ZFYVE28: variants seen among roughly 807,000 people sequenced by gnomAD.
ZFYVE28 encodes the protein lateral signaling target protein 2 homolog.
A neutral mutation model predicts 82.1 loss-of-function variants in ZFYVE28; 40 were observed. The observed-to-expected ratio is 0.49, with a 90% CI of 0.38 to 0.63. The LOEUF is 0.63. ZFYVE28 is among the 30% of genes least tolerant of loss of function. The pLI is 0.00. For missense variants in ZFYVE28, 1,321 were observed against 1,242.1 expected (o/e 1.06, Z -0.96); for synonymous variants, 612 against 546.1 (o/e 1.12, Z -1.68).
chr4:2,418,275 G>A lies in ZFYVE28; in HGVS notation c.39+10C>T, dbSNP rs1239142302. ...CGCGGGGGGCGTCCGGCCCGAGCGG[G>A]GCCGCTCACCTTGGGTTTGTAGAGC... is the stretch of plus-strand genomic sequence containing the variant. On this transcript the variant is annotated intron_variant, in intron 1 of 12. Coordinates refer to ENST00000290974, the MANE Select transcript of ZFYVE28 (RefSeq NM_020972.3). The surrounding 1 kb of genome is among the most constrained non-coding windows in gnomAD (Gnocchi z 4.6). 6.5e-7 allele frequency: 1 copy of A among 1,537,244 alleles called. No individual in the cohort carries two copies.
chr4:2,284,782 C>T (rs1712475567), intron 8 of ZFYVE28, among the ~76,000 whole-genome samples: 1 of 152,298 alleles, frequency 6.6e-6, no homozygotes, highest in South Asian at 2.1e-4. Context: ...TTCCAGGAAT[C>T]GGCTCTGGAA....
chr4:2,315,039 G>A (rs909969212), intron 7 of ZFYVE28, among the ~76,000 whole-genome samples: 1 of 152,120 alleles, frequency 6.6e-6, no homozygotes, highest in African/African-American at 2.4e-5. Flanking sequence ...GCCTCCCAAA[G>A]TGCTGGGATT....
At chr4:2,364,579 C>T (rs1183847444) in intron 1 of ZFYVE28, 1 of 985,452 alleles carries the variant, frequency 1.0e-6, no homozygotes, top group East Asian at 1.1e-4. Context: ...CGGCACTGGG[C>T]ACAGACGCCC....
chr4:2,305,534 T>A lies in ZFYVE28; in HGVS notation c.806A>T (p.Asp269Val), dbSNP rs1716437413. The A allele has an allele frequency of 6.2e-7, 1 of 1,612,832 alleles. No individual in the cohort carries two copies. The change falls in exon 8 of 13, where the codon GAT becomes GTT. Residue 269 changes from aspartate to valine, a missense_variant and splice_region_variant. By Grantham distance (152) the Asp-to-Val change is radical. Coordinates refer to ENST00000290974, the MANE Select transcript of ZFYVE28 (RefSeq NM_020972.3). ...CTCCTCCGTCAGCGTCTGCAGCAAA[T>A]CCCTACGAATCAAGACAAAACCCAA... is the stretch of plus-strand genomic sequence containing the variant. ...PFHTLLRKIR[D>V]LLQTLTEEEL...
chr4:2,338,580 G>A (rs3118618), intron 4 of ZFYVE28, among the ~76,000 whole-genome samples: 26,771 of 152,150 alleles, frequency 0.18, 2,780 homozygotes, highest in Middle Eastern at 0.36. Flanking sequence ...GCAACAGAGT[G>A]AGACTCCGTC....
chr4:2,301,132 G>A (rs1422051817), intron 8 of ZFYVE28, among the ~76,000 whole-genome samples: 2 of 143,770 alleles, frequency 1.4e-5, no homozygotes, highest in East Asian at 2.1e-4. Context: ...CCCCCACTGC[G>A]CTATCACCCC....
intron 1 of ZFYVE28, chr4:2,364,458 G>T: frequency 1.0e-6 from 1 of 985,494 alleles, no homozygotes; most frequent in Middle Eastern, 5.2e-4. Context: ...GCAGCTTTAC[G>T]TTCAATTCAC....
chr4:2,357,551 C>T (rs367585194), intron 1 of ZFYVE28, among the ~76,000 whole-genome samples: 8 of 152,198 alleles, frequency 5.3e-5, no homozygotes, highest in African/African-American at 1.9e-4. Context: ...CCAAACCTGC[C>T]CGCTCCCCTT....
intron 1 of ZFYVE28, among the ~76,000 whole-genome samples, chr4:2,390,624 G>C (rs1469521009): frequency 6.6e-6 from 1 of 152,204 alleles, no homozygotes; most frequent in African/African-American, 2.4e-5. Context: ...TTATACATAA[G>C]CATGGCTATG....
At position 2,339,446 on chromosome 4, in the gene ZFYVE28, G is replaced by T; in HGVS notation, c.521+7C>A. On this transcript the variant is annotated splice_region_variant and intron_variant, in intron 4 of 12. Transcript: ENST00000290974. The surrounding 1 kb of genome is among the most constrained non-coding windows in gnomAD (Gnocchi z 5.0). ...CAGCCAGGGCTGTGGACCCACAGCT[G>T]CAGTACCTGAGCTCAAACTCTGCGA... is the stretch of plus-strand genomic sequence containing the variant. 6.2e-7 allele frequency: 1 copy of T among 1,612,968 alleles called. No individual in the cohort carries two copies.
intron 6 of ZFYVE28, among the ~76,000 whole-genome samples, chr4:2,333,199 C>G (rs1486805840): frequency 2.6e-4 from 36 of 140,262 alleles, no homozygotes; most frequent in African/African-American, 8.9e-4. Flanking sequence ...CAGCACTGGC[C>G]TCCCCTGCTG....
intron 6 of ZFYVE28, among the ~76,000 whole-genome samples, chr4:2,331,571 A>T (rs935546597): frequency 3.0e-4 from 45 of 152,220 alleles, no homozygotes; most frequent in Non-Finnish European, 5.4e-4. Flanking sequence ...CCAGTTTGTC[A>T]AAGAGTCTGA....
At chr4:2,400,565 A>G (rs1400963396) in intron 1 of ZFYVE28, among the ~76,000 whole-genome samples, 4 of 152,118 alleles carry the variant, frequency 2.6e-5, no homozygotes, top group Non-Finnish European at 5.9e-5. Flanking sequence ...ATACATATAT[A>G]TAAAGGGGAG....
rs1722759091 is a variant in ZFYVE28 at position 2,341,319 on chromosome 4, T to C, written c.318+159A>G. 9 of 986,636 alleles carry C rather than the reference T, an allele frequency of 9.1e-6. No homozygotes were observed. Among genetic ancestry groups the C allele is most frequent in the African/African-American group, 4.9e-5 (3 of 61,516 alleles). The allele number at this position is 986,636 out of a possible 1,614,324, so 61.1% of individuals were successfully genotyped here. Reference sequence around the variant, plus strand: ...CCAGATCCTCCAGGGGTGCACGGCCTACCAGGCTCAGACCACACCACGTAA... The same window carrying C: ...CCAGATCCTCCAGGGGTGCACGGCCCACCAGGCTCAGACCACACCACGTAA... On this transcript the variant is annotated intron_variant, in intron 3 of 12. Transcript: ENST00000290974. The surrounding 1 kb of genome is among the most constrained non-coding windows in gnomAD (Gnocchi z 4.5).
chr4:2,327,049 A>T (rs1324973964), intron 6 of ZFYVE28, among the ~76,000 whole-genome samples: 3 of 151,764 alleles, frequency 2.0e-5, no homozygotes, highest in African/African-American at 7.3e-5. Flanking sequence ...CTGGAGTTCA[A>T]GACCAGCCTG....
intron 8 of ZFYVE28, among the ~76,000 whole-genome samples, chr4:2,280,795 C>T (rs1295687779): frequency 6.6e-6 from 1 of 152,212 alleles, no homozygotes; most frequent in East Asian, 1.9e-4. Context: ...AGGAGAAGCC[C>T]ATGGGAAGTA....
chr4:2,334,466 A>C (rs1721252409), intron 6 of ZFYVE28, among the ~76,000 whole-genome samples: 1 of 151,066 alleles, frequency 6.6e-6, no homozygotes, highest in Non-Finnish European at 1.5e-5. Flanking sequence ...GCGTGCTCCC[A>C]CCTCTGCACC....
At chr4:2,285,155 G>A (rs1382075393) in intron 8 of ZFYVE28, among the ~76,000 whole-genome samples, 1 of 146,266 alleles carries the variant, frequency 6.8e-6, no homozygotes, top group Non-Finnish European at 1.5e-5. Context: ...TGAAGGCAGG[G>A]ACTGGAGTGA....
chr4:2,322,986 T>C (rs2108839858), intron 6 of ZFYVE28, among the ~76,000 whole-genome samples: 1 of 152,364 alleles, frequency 6.6e-6, no homozygotes, highest in South Asian at 2.1e-4. Flanking sequence ...TGGGCAATTA[T>C]GAATAATGCT....
Sources: allele counts gnomAD v4.1 joint callset (sites outside exome capture counted in the v4.1 genomes callset), GRCh38; gene constraint gnomAD v4.1.1; non-coding constraint Gnocchi (gnomAD v3.1); transcripts MANE v1.5; gene names NCBI Gene and HGNC (gene_info 2026-07-23, HGNC 2026-07-21).